Variants in ABCB1 observed in about 807,000 individuals in gnomAD.
ABCB1 encodes the protein ATP binding cassette subfamily B member 1, also known as ATP-dependent translocase ABCB1.
A neutral mutation model predicts 142.0 loss-of-function variants in ABCB1; 69 were observed. That is an observed-to-expected ratio of 0.49 (90% CI 0.40 to 0.59). The LOEUF is 0.59. ABCB1 is among the 20% of genes least tolerant of loss of function. The pLI is 0.00. For missense variants in ABCB1, 1,326 were observed against 1,554.7 expected, an observed-to-expected ratio of 0.85 and a Z score of 2.47; for synonymous variants, 532 against 539.2, an observed-to-expected ratio of 0.99 and a Z score of 0.18.
At chr7:87,706,840 C>G (rs983460400) in intron 1 of ABCB1, among the ~76,000 whole-genome samples, 9 of 152,104 alleles carry the variant, frequency 5.9e-5, no homozygotes, top group African/African-American at 1.7e-4. Flanking sequence ...TCATCTGTAG[C>G]TCAAAGCAAA....
chr7:87,509,301 G>A lies in ABCB1; in HGVS notation c.3463C>T (p.His1155Tyr), dbSNP rs2117067171. 1 of 1,614,208 alleles carries A rather than the reference G, an allele frequency of 6.2e-7. No individual in the cohort carries two copies. The highest frequency in any genetic ancestry group is 1.3e-5 in the African/African-American group (1 of 75,052). ...TTAGGCAGTGACTCGATGAAGGCATGTATGTTGGCCTCCTTTGCTGCCCTC... is the reference window on the plus strand; with the variant it reads ...TTAGGCAGTGACTCGATGAAGGCATATATGTTGGCCTCCTTTGCTGCCCTC... ...IVRAAKEANI[H>Y]AFIESLPNKY... The change falls in exon 26 of 28, where the codon CAT becomes TAT. Residue 1155 changes from histidine (H) to tyrosine (Y), a missense_variant. Physicochemically the swap from His to Tyr is moderately conservative, Grantham distance 83. Coordinates refer to ENST00000622132, the MANE Select transcript of ABCB1 (RefSeq NM_001348946.2).
At position 87,561,401 on chromosome 7, in the gene ABCB1, CA is replaced by C. The variant is rs766484858; in HGVS notation, c.703-15del. 2.5e-6 allele frequency: 4 copies of C among 1,605,756 alleles called. No individual in the cohort carries two copies. The Admixed American group carries it at 6.7e-5, about 27-fold the overall frequency. On this transcript the variant is annotated splice_polypyrimidine_tract_variant and intron_variant, in intron 7 of 27. Coordinates refer to ENST00000622132, the MANE Select transcript of ABCB1 (RefSeq NM_001348946.2). ...TGAAGATAGTATCTGTTTAAAAATA[CA>C]ATTTTGGATCATGAAAAAAACACGT...
intron 4 of ABCB1, among the ~76,000 whole-genome samples, chr7:87,580,356 C>G (rs1271635665): frequency 3.3e-5 from 5 of 152,188 alleles, no homozygotes; most frequent in African/African-American, 1.2e-4. Context: ...TCTTTCAGCA[C>G]TTTAAATATG....
In ABCB1 at chr7:87,545,891, C is replaced by T. The variant is rs765970736; in HGVS notation, c.1859G>A (p.Gly620Asp). The T allele has an allele frequency of 4.3e-6, 7 of 1,614,014 alleles. No homozygotes were observed. In the African/African-American group the frequency reaches 6.7e-5, roughly 15 times the overall value. The change falls in exon 15 of 28, where the codon GGC becomes GAC. Residue 620 changes from glycine (G) to aspartate (D), a missense_variant. Gly to Asp is a moderately conservative substitution (Grantham distance 94). Transcript: ENST00000622132. ...CATTGTGACAAGTTTGAAGTAAATG[C>T]CTTTCTCTTTCATGAGTTCATCATG... is the stretch of plus-strand genomic sequence containing the variant. ...GNHDELMKEK[G>D]IYFKLVTMQT... is the part of the protein sequence containing the mutation.
intron 17 of ABCB1, among the ~76,000 whole-genome samples, chr7:87,542,325 T>C (rs1356301665): frequency 6.6e-6 from 1 of 152,216 alleles, no homozygotes; most frequent in African/African-American, 2.4e-5. Flanking sequence ...TATATACTAT[T>C]CCTCTAATCC....
intron 3 of ABCB1, among the ~76,000 whole-genome samples, chr7:87,590,247 G>A (rs1431727147): frequency 3.9e-5 from 6 of 152,072 alleles, no homozygotes; most frequent in Admixed American, 1.3e-4. Context: ...CACTAAAAGG[G>A]GGAATAGATG....
chr7:87,681,907 T>C (rs1826965825), intron 1 of ABCB1, among the ~76,000 whole-genome samples: 1 of 152,204 alleles, frequency 6.6e-6, no homozygotes, highest in South Asian at 2.1e-4. Flanking sequence ...GAAAGGTTTC[T>C]CTCTAGCATG....
At chr7:87,626,077 CATATATATATATAT>C (rs372003612) in intron 1 of ABCB1, among the ~76,000 whole-genome samples, 1 of 84,320 alleles carries the variant, frequency 1.2e-5, no homozygotes, top group African/African-American at 5.9e-5. Context: ...CAGGCTGAGA[CATATATATATATAT>C]ATATATATTG....
chr7:87,548,346 T>G (rs1445139089), intron 14 of ABCB1, among the ~76,000 whole-genome samples: 11 of 120,392 alleles, frequency 9.1e-5, no homozygotes, highest in East Asian at 5.0e-4. Flanking sequence ...GAGGGAGGGA[T>G]TGAGGGAGGG....
chr7:87,535,820 T>C (rs1288973335), intron 20 of ABCB1, among the ~76,000 whole-genome samples: 1 of 152,166 alleles, frequency 6.6e-6, no homozygotes, highest in African/African-American at 2.4e-5. Context: ...ATTACATGAA[T>C]TTTTTCAAAT....
intron 7 of ABCB1, 34 bp downstream of exon 7, chr7:87,566,036 C>A (rs1584885927): frequency 6.2e-7 from 1 of 1,611,748 alleles, no homozygotes; most frequent in Non-Finnish European, 8.5e-7. Context: ...GGAGAAGGTG[C>A]AGTTCAAAAT....
rs200591501 is a variant in ABCB1 at position 87,549,531 on chromosome 7, A to G, written c.1555-13T>C. The G allele has an allele frequency of 1.9e-5, 30 of 1,614,194 alleles. No homozygotes were observed. In the Admixed American group the frequency reaches 5.0e-4, roughly 27 times the overall value. On this transcript the variant is annotated splice_polypyrimidine_tract_variant and intron_variant, in intron 13 of 27. Transcript: ENST00000622132. ...GGGTGTCAAATTTCTACCACAGAAA[A>G]CCCAGAATGATTTAGCATAAGGACA...
At chr7:87,667,087 G>A (rs1026722302) in intron 1 of ABCB1, among the ~76,000 whole-genome samples, 1 of 152,110 alleles carries the variant, frequency 6.6e-6, no homozygotes, top group Non-Finnish European at 1.5e-5. Flanking sequence ...GGGCAGTATA[G>A]CCATTTTAGT....
At chr7:87,661,371 A>T (rs1162703045) in intron 1 of ABCB1, among the ~76,000 whole-genome samples, 2 of 151,842 alleles carry the variant, frequency 1.3e-5, no homozygotes, top group Non-Finnish European at 2.9e-5. Flanking sequence ...CTATCTAACT[A>T]CATTTTTGTA....
intron 23 of ABCB1, among the ~76,000 whole-genome samples, chr7:87,517,407 G>C (rs536779856): frequency 9.8e-4 from 149 of 152,060 alleles, no homozygotes; most frequent in African/African-American, 3.5e-3. Flanking sequence ...CTCAAACCCA[G>C]GATAGCCTGC....
intron 7 of ABCB1, 37 bp downstream of exon 7, chr7:87,566,033 G>C: frequency 6.2e-7 from 1 of 1,610,414 alleles, no homozygotes; most frequent in Non-Finnish European, 8.5e-7. Flanking sequence ...AAGGGAGAAG[G>C]TGCAGTTCAA....
intron 1 of ABCB1, among the ~76,000 whole-genome samples, chr7:87,626,263 CATATATGTGTCAT>C (rs1179470304): frequency 2.9e-5 from 2 of 68,496 alleles, no homozygotes; most frequent in African/African-American, 7.1e-5. Flanking sequence ...ATATATGTGT[CATATATGTGTCAT>C]ATATATGTGT....
chr7:87,535,849 C>T (rs1434964341), intron 20 of ABCB1, among the ~76,000 whole-genome samples: 1 of 152,136 alleles, frequency 6.6e-6, no homozygotes, highest in Admixed American at 6.6e-5. Context: ...ATTTTGTGGA[C>T]TTTTGCCATA....
intron 1 of ABCB1, among the ~76,000 whole-genome samples, chr7:87,655,102 A>G (rs559837922): frequency 6.6e-6 from 1 of 152,274 alleles, no homozygotes; most frequent in Non-Finnish European, 1.5e-5. Context: ...AACAGCCATT[A>G]CAGAAAACAT....
Sources: allele counts gnomAD v4.1 joint callset (sites outside exome capture counted in the v4.1 genomes callset), GRCh38; gene constraint gnomAD v4.1.1; transcripts MANE v1.5; gene names NCBI Gene and HGNC (gene_info 2026-07-23, HGNC 2026-07-21).